Variants in ITCH observed in about 807,000 individuals in gnomAD.
The protein encoded by ITCH is itchy E3 ubiquitin protein ligase.
ITCH carries 28 observed loss-of-function variants against 126.8 expected under a neutral mutation model. The ratio of observed to expected loss-of-function variants is 0.22; its 90% confidence interval spans 0.16 to 0.30. ITCH has a LOEUF of 0.30. Ranked by LOEUF, ITCH falls within the 10% of genes least tolerant of loss-of-function variation. ITCH has a pLI of 1.00. For missense variants in ITCH, 631 were observed against 1,032.4 expected (o/e 0.61, Z 5.33); for synonymous variants, 342 against 340.0 (o/e 1.01, Z -0.06).
chr20:34,493,145 T>A (rs929666140), intron 23 of ITCH, among the ~76,000 whole-genome samples: 1 of 152,220 alleles, frequency 6.6e-6, no homozygotes, highest in South Asian at 2.1e-4. Flanking sequence ...ATTATTTAAG[T>A]AAATTCAAGT....
chr20:34,470,175 A>G, intron 15 of ITCH, 55 bp downstream of exon 15: 3 of 1,261,206 alleles, frequency 2.4e-6, no homozygotes, highest in Middle Eastern at 1.9e-4. Context: ...GTTGCTTTAT[A>G]TTACACAGTG....
intron 2 of ITCH, among the ~76,000 whole-genome samples, chr20:34,370,246 G>T (rs1219525140): frequency 1.3e-5 from 2 of 152,164 alleles, no homozygotes; most frequent in African/African-American, 2.4e-5. Flanking sequence ...CCAGACCTCA[G>T]TTTATACATC....
intron 23 of ITCH, 117 bp downstream of exon 23, chr20:34,492,714 T>C: frequency 2.7e-6 from 2 of 750,642 alleles, no homozygotes; most frequent in South Asian, 1.4e-5. Context: ...TTCTTAACTA[T>C]TCCCAGTTAG....
chr20:34,368,761 T>G (rs1346527619), intron 1 of ITCH, among the ~76,000 whole-genome samples: 1 of 152,160 alleles, frequency 6.6e-6, no homozygotes, highest in Admixed American at 6.6e-5. Flanking sequence ...AGATCCTTGG[T>G]GTGCGTTTTC....
intron 3 of ITCH, chr20:34,401,703 G>A: frequency 1.3e-6 from 1 of 795,436 alleles, no homozygotes; most frequent in Non-Finnish European, 1.5e-6. Flanking sequence ...CCATCCACTG[G>A]TTAATGAATT....
At position 34,450,315 on chromosome 20, in the gene ITCH, T is replaced by C. The variant is rs12480698; in HGVS notation, c.1210+835T>C. On this transcript the variant is annotated intron_variant, in intron 12 of 24. Coordinates refer to ENST00000374864, the MANE Select transcript of ITCH (RefSeq NM_031483.7). ...AAATAAAAAGCTTTTTAAAAAATTG[T>C]AATCACATTGGTTCTCCTAAAACAA... Among the ~76,000 whole-genome samples the C allele has an allele frequency of 3.6e-3, 543 of 152,306 alleles. 1 individual carries two copies. Among genetic ancestry groups the C allele is most frequent in the Middle Eastern group, 0.024 (7 of 292 alleles).
At chr20:34,432,048 CAAAAAAAAA>C (rs10668679) in intron 7 of ITCH, among the ~76,000 whole-genome samples, 1 of 92,254 alleles carries the variant, frequency 1.1e-5, no homozygotes, top group Non-Finnish European at 2.1e-5. Flanking sequence ...GATTCTATGT[CAAAAAAAAA>C]AAAAAAAAAA....
chr20:34,493,322 A>G (rs1989643712), intron 23 of ITCH, among the ~76,000 whole-genome samples: 2 of 152,180 alleles, frequency 1.3e-5, no homozygotes, highest in African/African-American at 2.4e-5. Context: ...AAAGCCAGAA[A>G]AAGAATTTGG....
At chr20:34,405,010 G>A (rs1191280807) in intron 3 of ITCH, among the ~76,000 whole-genome samples, 1 of 151,738 alleles carries the variant, frequency 6.6e-6, no homozygotes, top group Non-Finnish European at 1.5e-5. Flanking sequence ...GTGGTGGCAC[G>A]CACCTGTAGT....
At position 34,456,633 on chromosome 20, in the gene ITCH, CA is replaced by C. The variant is rs11480631; in HGVS notation, c.1211-746del. On this transcript the variant is annotated intron_variant, in intron 12 of 24. Transcript: ENST00000374864. ...GGGTGACAAAGTGAGACCTTGTCTC[CA>C]AAAAAAAAAATATATATATATATAT... 2.4e-4 allele frequency among the ~76,000 whole-genome samples: 31 copies of C among 126,726 alleles called. 1 individual carries two copies. The highest frequency in any genetic ancestry group is 1.3e-3 in the South Asian group (5 of 3,902). The allele number at this position is 126,726 out of a possible 152,430, so 83.1% of individuals were successfully genotyped here. A position where few individuals can be genotyped will look rare whatever the true frequency, so the allele number is the denominator to read the frequency against.
intron 14 of ITCH, 81 bp downstream of exon 14, chr20:34,462,302 G>C: frequency 7.0e-7 from 1 of 1,428,862 alleles, no homozygotes; most frequent in Non-Finnish European, 9.8e-7. Context: ...TTAGCAAGGA[G>C]TGGAAGTCTT....
intron 16 of ITCH, among the ~76,000 whole-genome samples, chr20:34,473,707 T>C (rs959167950): frequency 6.6e-6 from 1 of 152,280 alleles, no homozygotes; most frequent in Non-Finnish European, 1.5e-5. Context: ...GATAGTGTTA[T>C]GTCTGTGTTC....
At chr20:34,497,902 G>A (rs1002022462) in intron 23 of ITCH, among the ~76,000 whole-genome samples, 6 of 152,244 alleles carry the variant, frequency 3.9e-5, no homozygotes, top group Non-Finnish European at 7.3e-5. Flanking sequence ...TGTAGGGATT[G>A]CATTGAATCT....
chr20:34,456,950 A>C (rs1259642698), intron 12 of ITCH, among the ~76,000 whole-genome samples: 1 of 151,454 alleles, frequency 6.6e-6, no homozygotes, highest in South Asian at 2.1e-4. Context: ...TGGAGACCTG[A>C]GTTTCCATCT....
At chr20:34,384,400 C>T (rs1200646472) in intron 2 of ITCH, 1 of 151,878 alleles carries the variant, frequency 6.6e-6, no homozygotes, top group Admixed American at 6.7e-5. Context: ...TCTTCCTCAG[C>T]CTCCTGAGTA....
intron 2 of ITCH, among the ~76,000 whole-genome samples, chr20:34,383,696 A>AT: frequency 6.6e-6 from 1 of 151,220 alleles, no homozygotes; most frequent in African/African-American, 2.4e-5. Context: ...TGTATTTATT[A>AT]TTATTTTTTT....
At chr20:34,381,212 C>T (rs1163060504) in intron 2 of ITCH, among the ~76,000 whole-genome samples, 1 of 151,894 alleles carries the variant, frequency 6.6e-6, no homozygotes, top group African/African-American at 2.4e-5. Context: ...ACCAGCCTGG[C>T]CAACAAAGTC....
At chr20:34,374,174 T>G (rs937244778) in intron 2 of ITCH, among the ~76,000 whole-genome samples, 3 of 152,216 alleles carry the variant, frequency 2.0e-5, no homozygotes, top group Non-Finnish European at 4.4e-5. Flanking sequence ...GAACTTTGAT[T>G]TGCTTGTTAG....
chr20:34,499,537 A>G (rs1990116386), intron 23 of ITCH, among the ~76,000 whole-genome samples: 1 of 149,354 alleles, frequency 6.7e-6, no homozygotes, highest in African/African-American at 2.4e-5. Context: ...GTCAGTTGTA[A>G]TGTCTCCCTT....
Sources: allele counts gnomAD v4.1 joint callset (sites outside exome capture counted in the v4.1 genomes callset), GRCh38; gene constraint gnomAD v4.1.1; transcripts MANE v1.5; gene names NCBI Gene and HGNC (gene_info 2026-07-23, HGNC 2026-07-21).